The following PHKB variants were observed in gnomAD, a reference collection of about 807,000 sequenced individuals.
The protein encoded by PHKB is phosphorylase b kinase regulatory subunit beta.
PHKB carries 122 observed loss-of-function variants against 152.1 expected under a neutral mutation model. The ratio of observed to expected loss-of-function variants is 0.80; its 90% CI spans 0.69 to 0.93. The LOEUF is 0.93. PHKB is among the 40% of genes least tolerant of loss of function. PHKB has a pLI of 0.00. For synonymous variants in PHKB, 436 were observed against 464.9 expected, an observed-to-expected ratio of 0.94 and a Z score of 0.80; for missense variants, 1,304 against 1,328.4, an observed-to-expected ratio of 0.98 and a Z score of 0.29.
intron 27 of PHKB, among the ~76,000 whole-genome samples, chr16:47,692,132 G>A: frequency 6.6e-6 from 1 of 152,164 alleles, no homozygotes; most frequent in Admixed American, 6.5e-5. Flanking sequence ...TCCAAAAATA[G>A]ATGCCCCTCT....
intron 13 of PHKB, chr16:47,598,573 A>G: frequency 2.5e-6 from 2 of 792,226 alleles, no homozygotes; most frequent in South Asian, 1.7e-5. Flanking sequence ...ATAAAATGTC[A>G]GTAATATGAA....
intron 6 of PHKB, among the ~76,000 whole-genome samples, chr16:47,528,896 A>G (rs1352704573): frequency 1.3e-5 from 2 of 151,898 alleles, no homozygotes; most frequent in African/African-American, 4.8e-5. Flanking sequence ...GGGTTTCACC[A>G]TCTTGGCCAG....
At chr16:47,502,560 AG>A (rs1187043519) in intron 3 of PHKB, among the ~76,000 whole-genome samples, 1 of 152,222 alleles carries the variant, frequency 6.6e-6, no homozygotes, top group African/African-American at 2.4e-5. Flanking sequence ...AAAGAAAGGC[AG>A]CACCTACCTT....
At chr16:47,516,019 C>T (rs1411627721) in intron 6 of PHKB, among the ~76,000 whole-genome samples, 1 of 151,766 alleles carries the variant, frequency 6.6e-6, no homozygotes, top group Non-Finnish European at 1.5e-5. Context: ...CCTCTGCCTC[C>T]CAGGTTCAAG....
intron 9 of PHKB, 87 bp from the exon 10 acceptor site, chr16:47,588,818 C>T (rs1971978607): frequency 8.6e-7 from 1 of 1,160,628 alleles, no homozygotes; most frequent in South Asian, 1.2e-5. Flanking sequence ...CATAACCTCA[C>T]TGGCTTTTCA....
chr16:47,665,332 A>T (rs1567347591), intron 25 of PHKB: 2 of 165,488 alleles, frequency 1.2e-5, no homozygotes, highest in East Asian at 1.8e-4. Context: ...GCTGTACTTT[A>T]AAAAAAAAAA....
chr16:47,556,596 G>A (rs1479365275), intron 7 of PHKB, among the ~76,000 whole-genome samples: 6 of 152,162 alleles, frequency 3.9e-5, no homozygotes, highest in Admixed American at 2.6e-4. Flanking sequence ...TATTGAACCA[G>A]CCTTGCATCC....
At position 47,612,813 on chromosome 16, in the gene PHKB, C is replaced by T. The variant is rs557117311; in HGVS notation, c.1458+1893C>T. Among the ~76,000 whole-genome samples, 6 of 152,298 alleles carry T rather than the reference C, an allele frequency of 3.9e-5. No individual in the cohort carries two copies. In the South Asian group the frequency reaches 1.2e-3, roughly 32 times the overall value. On this transcript the variant is annotated intron_variant, in intron 14 of 30. Transcript: ENST00000323584. ...ATAAAATACTGAAGCTGCCTTGCCA[C>T]TTTCTCAGCCATTTTAAGCAGTAGG...
At chr16:47,663,655 G>C (rs1973482815) in intron 23 of PHKB, 22 bp from the exon 24 acceptor site, 1 of 1,602,512 alleles carries the variant, frequency 6.2e-7, no homozygotes, top group Non-Finnish European at 8.5e-7. Flanking sequence ...GTTCAACAAA[G>C]ACTCTATTAT....
At chr16:47,538,434 G>C (rs957073772) in intron 6 of PHKB, among the ~76,000 whole-genome samples, 4 of 152,144 alleles carry the variant, frequency 2.6e-5, no homozygotes, top group African/African-American at 9.7e-5. Flanking sequence ...TTCTACCCTT[G>C]GGTGAAGAGA....
intron 6 of PHKB, among the ~76,000 whole-genome samples, chr16:47,541,156 C>T (rs1971050696): frequency 6.6e-6 from 1 of 152,090 alleles, no homozygotes; most frequent in Admixed American, 6.5e-5. Flanking sequence ...ATCACACCAC[C>T]ACATGACAGG....
At chr16:47,481,470 T>C (rs1969963017) in intron 1 of PHKB, among the ~76,000 whole-genome samples, 1 of 152,234 alleles carries the variant, frequency 6.6e-6, no homozygotes, top group African/African-American at 2.4e-5. Flanking sequence ...AGTTGTCTTT[T>C]TCTGTTTTTA....
At chr16:47,633,053 T>C (rs530353643) in intron 14 of PHKB, among the ~76,000 whole-genome samples, 31 of 152,176 alleles carry the variant, frequency 2.0e-4, no homozygotes, top group Non-Finnish European at 3.7e-4. Flanking sequence ...GGGGTTTTCT[T>C]TACAATGAAA....
At chr16:47,553,661 G>A (rs1031857625) in intron 7 of PHKB, among the ~76,000 whole-genome samples, 2 of 152,080 alleles carry the variant, frequency 1.3e-5, no homozygotes, top group Non-Finnish European at 2.9e-5. Context: ...TTCTCCCCCT[G>A]TTCGTCGATT....
chr16:47,651,717 TAAGA>T, intron 20 of PHKB, among the ~76,000 whole-genome samples: 1 of 152,322 alleles, frequency 6.6e-6, no homozygotes, highest in Middle Eastern at 3.4e-3. Context: ...CAGTATTAAA[TAAGA>T]AAGAGGAAAG....
At chr16:47,670,392 A>G (rs1165060869) in intron 26 of PHKB, among the ~76,000 whole-genome samples, 1 of 152,144 alleles carries the variant, frequency 6.6e-6, no homozygotes, top group Non-Finnish European at 1.5e-5. Flanking sequence ...TACTATCTCT[A>G]TTTGGTCATT....
chr16:47,641,014 C>G, intron 14 of PHKB, 21 bp from the exon 15 acceptor site: 1 of 1,607,666 alleles, frequency 6.2e-7, no homozygotes, highest in Non-Finnish European at 8.5e-7. Flanking sequence ...TGTTTTCCCC[C>G]TCCCTTATTC....
At position 47,596,392 on chromosome 16, in the gene PHKB, G is replaced by T. The variant is rs376369267; in HGVS notation, c.1224G>T (p.Lys408Asn). 9 of 1,607,856 alleles carry T rather than the reference G, an allele frequency of 5.6e-6. No individual in the cohort carries two copies. The highest frequency in any genetic ancestry group is 7.7e-6 in the Non-Finnish European group (9 of 1,174,442). ...HTTEGYPVVP[K>N]YYYVPADFVE... ...CCATAGGATATCCTGTTGTACCAAA[G>T]TACTATTATGTGCCAGCTGACTTTG... The change falls in exon 13 of 31, where the codon AAG becomes AAT. Residue 408 changes from lysine to asparagine, a missense_variant. Transcript: ENST00000323584.
At chr16:47,469,352 G>C (rs1347503810) in intron 1 of PHKB, among the ~76,000 whole-genome samples, 1 of 152,096 alleles carries the variant, frequency 6.6e-6, no homozygotes, top group Non-Finnish European at 1.5e-5. Context: ...AATCAACCTA[G>C]GTGCCCAAAA....
Sources: allele counts gnomAD v4.1 joint callset (sites outside exome capture counted in the v4.1 genomes callset), GRCh38; gene constraint gnomAD v4.1.1; transcripts MANE v1.5; gene names NCBI Gene and HGNC (gene_info 2026-07-23, HGNC 2026-07-21).